PCDHGB2: variants seen among roughly 807,000 people sequenced by gnomAD.
The protein encoded by PCDHGB2 is protocadherin gamma-B2.
In PCDHGB2, 55 loss-of-function variants were observed where a neutral mutation model predicts 59.3. The observed-to-expected ratio is 0.93, with a 90% CI of 0.75 to 1.16. The LOEUF (loss-of-function observed/expected upper bound fraction) is 1.16. PCDHGB2 is among the 50% of genes most tolerant of loss of function. The pLI is 0.00. For synonymous variants in PCDHGB2, 516 were observed against 512.0 expected (o/e 1.01, Z -0.11); for missense variants, 1,228 against 1,198.5 (o/e 1.02, Z -0.36).
intron 1 of PCDHGB2, among the ~76,000 whole-genome samples, chr5:141,453,288 ATTAT>A (rs577328880): frequency 4.0e-5 from 6 of 151,342 alleles, no homozygotes; most frequent in Admixed American, 1.3e-4. Context: ...TAATTTTTTA[ATTAT>A]TTATTTATTT....
chr5:141,463,653 G>A (rs1378583183), intron 1 of PCDHGB2, among the ~76,000 whole-genome samples: 2 of 151,764 alleles, frequency 1.3e-5, no homozygotes, highest in Admixed American at 6.6e-5. Context: ...GGGTTTCACC[G>A]TGTTAGCCAG....
chr5:141,408,372 G>A, intron 1 of PCDHGB2: 2 of 1,614,024 alleles, frequency 1.2e-6, no homozygotes, highest in African/African-American at 1.3e-5. Flanking sequence ...CTAGGGCTCA[G>A]TGTCCTGGAT....
chr5:141,400,121 A>C lies in PCDHGB2; in HGVS notation c.2421+37565A>C. On this transcript the variant is annotated intron_variant, in intron 1 of 3. Coordinates refer to ENST00000522605, the MANE Select transcript of PCDHGB2 (RefSeq NM_018923.3). Reference sequence around the variant, plus strand: ...CACTTGGTCTTTGCTGACAGCTTGCAGGAGGTGCTGCCGGATATCACTGAC... The same window carrying C: ...CACTTGGTCTTTGCTGACAGCTTGCCGGAGGTGCTGCCGGATATCACTGAC... 1.2e-6 allele frequency: 2 copies of C among 1,614,054 alleles called. No individual in the cohort carries two copies. The highest frequency in any genetic ancestry group is 1.7e-6 in the Non-Finnish European group (2 of 1,179,890).
intron 1 of PCDHGB2, chr5:141,405,019 T>C (rs2094597771): frequency 6.2e-7 from 1 of 1,613,860 alleles, no homozygotes; most frequent in African/African-American, 1.3e-5. Flanking sequence ...CCTCAGACCT[T>C]ACCCTCTACC....
At chr5:141,417,052 CTT>C (rs1308339867) in intron 1 of PCDHGB2, 2 of 151,464 alleles carry the variant, frequency 1.3e-5, no homozygotes, top group African/African-American at 4.9e-5. Context: ...AAAAACTGCT[CTT>C]GACATTGTAG....
At chr5:141,372,833 T>C (rs1317318812) in intron 1 of PCDHGB2, 6 of 1,538,022 alleles carry the variant, frequency 3.9e-6, no homozygotes, top group Non-Finnish European at 5.3e-6. Flanking sequence ...AACCTTTCCT[T>C]CCATAAATAT....
intron 1 of PCDHGB2, among the ~76,000 whole-genome samples, chr5:141,433,837 C>CA (rs56191208): frequency 0.14 from 15,134 of 111,544 alleles, 1,164 homozygotes; most frequent in African/African-American, 0.25. Context: ...AACTCTATCT[C>CA]AAAAAAAAAA....
chr5:141,474,093 C>G (rs2099341169), intron 1 of PCDHGB2, among the ~76,000 whole-genome samples: 1 of 152,098 alleles, frequency 6.6e-6, no homozygotes, highest in African/African-American at 2.4e-5. Flanking sequence ...AAAAAACAAA[C>G]AACAACAAAA....
At chr5:141,397,591 A>G (rs1202251855) in intron 1 of PCDHGB2, among the ~76,000 whole-genome samples, 1 of 152,204 alleles carries the variant, frequency 6.6e-6, no homozygotes, top group Non-Finnish European at 1.5e-5. Flanking sequence ...ATTAATTATT[A>G]TATTGCCAGT....
intron 1 of PCDHGB2, chr5:141,376,676 G>GTTTTTTTTTTTTTTTTTTTTTTTT (rs67197835): frequency 1.1e-5 from 3 of 275,812 alleles, no homozygotes; most frequent in African/African-American, 3.7e-5. Flanking sequence ...TGAGGGTATC[G>GTTTTTTTTTTTTTTTTTTTTTTTT]TTTTTTTTTT....
In PCDHGB2 at chr5:141,505,352, C is replaced by T. The variant is rs371829394; in HGVS notation, c.2481-41C>T. 1.5e-5 allele frequency: 25 copies of T among 1,613,302 alleles called. No individual in the cohort carries two copies. In the South Asian group the frequency reaches 2.7e-4, roughly 18 times the overall value. ...AGGACAGGAGGGGCATGAGCTGTGCCGGCCTGGGAGTCTGTGCTCACCATC... is the reference window on the plus strand; with the variant it reads ...AGGACAGGAGGGGCATGAGCTGTGCTGGCCTGGGAGTCTGTGCTCACCATC... On this transcript the variant is annotated intron_variant, in intron 2 of 3. Transcript: ENST00000522605.
At chr5:141,433,854 A>T (rs2097660850) in intron 1 of PCDHGB2, among the ~76,000 whole-genome samples, 1 of 151,852 alleles carries the variant, frequency 6.6e-6, no homozygotes, top group African/African-American at 2.4e-5. Context: ...AAAAAAAAAA[A>T]ACTTTATCCT....
At chr5:141,390,754 T>C (rs2092225927) in intron 1 of PCDHGB2, 1 of 168,266 alleles carries the variant, frequency 5.9e-6, no homozygotes, top group East Asian at 1.8e-4. Context: ...AGTCCACTGT[T>C]TTGTTTCCTG....
At chr5:141,428,754 T>C (rs932377392) in intron 1 of PCDHGB2, 7 of 154,708 alleles carry the variant, frequency 4.5e-5, no homozygotes, top group African/African-American at 1.4e-4. Context: ...TTGCTTCAGG[T>C]TTGTTTGCCC....
chr5:141,427,810 G>A (rs2097074260), intron 1 of PCDHGB2: 1 of 1,523,990 alleles, frequency 6.6e-7, no homozygotes, highest in Non-Finnish European at 9.0e-7. Flanking sequence ...AGCGCACAGA[G>A]CGGGGTGGTG....
intron 1 of PCDHGB2, chr5:141,417,742 G>A: frequency 7.0e-7 from 1 of 1,418,808 alleles, no homozygotes. Flanking sequence ...CAGCACACCA[G>A]ATTGCCAGCT....
Position 141,477,741 on chromosome 5 carries a change from G to A in PCDHGB2, c.2422-17066G>A, listed in dbSNP as rs1438249932. On this transcript the variant is annotated intron_variant, in intron 1 of 3. Transcript: ENST00000522605. The surrounding 1 kb of genome is among the most constrained non-coding windows in gnomAD (Gnocchi z 4.9). ...GAATTAACAGCTCATATCAGCGATG[G>A]GGGCACCCCGGTCCTAGCCACCAAC... is the stretch of plus-strand genomic sequence containing the variant. 4 of 1,613,802 alleles carry A rather than the reference G, an allele frequency of 2.5e-6. No individual in the cohort carries two copies. The highest frequency in any genetic ancestry group is 1.7e-5 in the Admixed American group (1 of 60,026).
chr5:141,391,030 G>A (rs2092291091), intron 1 of PCDHGB2: 1 of 152,184 alleles, frequency 6.6e-6, no homozygotes, highest in Non-Finnish European at 1.5e-5. Flanking sequence ...AAAAGACAAT[G>A]TTTTGTGTCT....
In PCDHGB2 at chr5:141,476,258, G is replaced by A. The variant is rs1247889010; in HGVS notation, c.2422-18549G>A. 1 of 1,614,018 alleles carries A rather than the reference G, an allele frequency of 6.2e-7. No individual in the cohort carries two copies. Among genetic ancestry groups the A allele is most frequent in the South Asian group, 1.1e-5 (1 of 91,066 alleles). Reference sequence around the variant, plus strand: ...GGAAAGAGAGAAGGGTTTCGCTGTGGGCAACGTGGTCGCGAACCTTGGTTT... The same window carrying A: ...GGAAAGAGAGAAGGGTTTCGCTGTGAGCAACGTGGTCGCGAACCTTGGTTT... On this transcript the variant is annotated intron_variant, in intron 1 of 3. Coordinates refer to ENST00000522605, the MANE Select transcript of PCDHGB2 (RefSeq NM_018923.3). This position sits in a 1 kb window ranked among gnomAD's most constrained non-coding sequence, Gnocchi z 7.6.
Sources: gnomAD v4.1 joint callset for allele counts (sites outside exome capture counted in the v4.1 genomes callset) on GRCh38, gnomAD v4.1.1 for gene constraint, Gnocchi (gnomAD v3.1) non-coding constraint, MANE v1.5 for transcripts, NCBI Gene and HGNC (gene_info 2026-07-23, HGNC 2026-07-21) for gene names.